The following CEP350 variants were observed in gnomAD, a reference collection of about 807,000 sequenced individuals.
CEP350 encodes the protein centrosomal protein 350.
CEP350 carries 126 observed loss-of-function variants against 331.8 expected under a neutral mutation model. The observed-to-expected ratio is 0.38, with a 90% CI of 0.33 to 0.44. The LOEUF is 0.44. CEP350 is among the 20% of genes least tolerant of loss of function. The pLI is 1.00. For synonymous variants in CEP350, 1,200 were observed against 1,259.5 expected (o/e 0.95, Z 1.00); for missense variants, 3,406 against 3,634.6 (o/e 0.94, Z 1.62).
intron 1 of CEP350, among the ~76,000 whole-genome samples, chr1:179,967,958 C>T (rs1651140319): frequency 6.6e-6 from 1 of 152,140 alleles, no homozygotes; most frequent in Admixed American, 6.5e-5. Flanking sequence ...GATTCTGAGA[C>T]TTATCAATGG....
chr1:180,020,106 A>G lies in CEP350; in HGVS notation c.2332A>G (p.Ile778Val). 1.2e-6 allele frequency: 2 copies of G among 1,614,002 alleles called. No homozygotes were observed. The highest frequency in any genetic ancestry group is 1.7e-6 in the Non-Finnish European group (2 of 1,179,896). The part of the protein sequence containing the change: ...VGILHKDFES[I>V]LPTRKNHNMA... Reference sequence around the variant, plus strand: ...AATTTTGCATAAGGATTTTGAATCTATTTTACCAACCAGGAAGAATCATAA... The same window carrying G: ...AATTTTGCATAAGGATTTTGAATCTGTTTTACCAACCAGGAAGAATCATAA... Residue 778 changes from isoleucine to valine, a missense_variant, in exon 12 of 38, where the codon ATT becomes GTT. Ile to Val is a conservative substitution (Grantham distance 29). Coordinates refer to ENST00000367607, the MANE Select transcript of CEP350 (RefSeq NM_014810.5).
rs754097103 is a variant in CEP350, at chr1:180,094,536, A to G, written c.8431A>G (p.Ser2811Gly). Residue 2811 changes from serine (S) to glycine (G), a missense_variant, in exon 34 of 38, where the codon AGT becomes GGT. By Grantham distance (56) the Ser-to-Gly change is moderately conservative. Transcript: ENST00000367607. ...LSQNVEEQSP[S>G]ISGCFLSSEL... ...CCAAAATGTTGAGGAACAGTCGCCA[A>G]GTATTTCAGGTTGCTTCTTAAGTTC... 3.7e-6 allele frequency: 6 copies of G among 1,613,966 alleles called. No individual in the cohort carries two copies. Among genetic ancestry groups the G allele is most frequent in the South Asian group, 3.3e-5 (3 of 91,080 alleles).
intron 37 of CEP350, among the ~76,000 whole-genome samples, chr1:180,104,164 C>T (rs1481155054): frequency 6.6e-6 from 1 of 150,422 alleles, no homozygotes; most frequent in African/African-American, 2.4e-5. Flanking sequence ...ATTATCTTTA[C>T]CATTTCTGCT....
At chr1:180,022,968 A>C in intron 13 of CEP350, 120 bp downstream of exon 13, 1 of 847,202 alleles carries the variant, frequency 1.2e-6, no homozygotes, top group Non-Finnish European at 1.8e-6. Context: ...GAGGCTGCAC[A>C]TCATAGTGGA....
Position 180,094,716 on chromosome 1 carries a change from G to A in CEP350, c.8511+100G>A, listed in dbSNP as rs575664126. On this transcript the variant is annotated intron_variant, in intron 34 of 37. Transcript: ENST00000367607. ...AGTACATTTTAATTCTGTGACTCCT[G>A]ATAGGTTTTTTTTCCCTTGACGTGT... 1.4e-5 allele frequency: 18 copies of A among 1,295,050 alleles called. No individual in the cohort carries two copies. The South Asian group carries it at 2.9e-4, about 21-fold the overall frequency. 80.2% of individuals were successfully genotyped at this position (1,295,050 alleles called of 1,614,324 possible).
chr1:180,043,296 G>T, intron 20 of CEP350, 104 bp downstream of exon 20: 1 of 1,337,980 alleles, frequency 7.5e-7, no homozygotes, highest in Non-Finnish European at 1.0e-6. Context: ...ATTATTCTTG[G>T]TTGAGAATAC....
At position 180,112,087 on chromosome 1, in the gene CEP350, A is replaced by G. The variant is rs749140917; in HGVS notation, c.*926A>G. 6.5e-6 allele frequency: 1 copy of G among 152,674 alleles called. No homozygotes were observed. The highest frequency in any genetic ancestry group is 2.4e-5 in the African/African-American group (1 of 41,460). The allele number at this position is 152,674 out of a possible 1,614,324, so 9.5% of individuals were successfully genotyped here. Reference sequence around the variant, plus strand: ...GATGCTGTTACTTGAATGATTTAGGAAATGAGTGTGTGCACCAAAGACAAA... The same window carrying G: ...GATGCTGTTACTTGAATGATTTAGGGAATGAGTGTGTGCACCAAAGACAAA... On this transcript the variant is annotated 3_prime_UTR_variant, in exon 38 of 38. Coordinates refer to ENST00000367607, the MANE Select transcript of CEP350 (RefSeq NM_014810.5).
intron 32 of CEP350, among the ~76,000 whole-genome samples, 157 bp from the exon 33 acceptor site, chr1:180,090,557 A>AAAAAGAAAAAAG (rs1553265977): frequency 3.2e-5 from 3 of 92,310 alleles, no homozygotes; most frequent in Non-Finnish European, 6.7e-5. Flanking sequence ...AAAAAAAAAA[A>AAAAAGAAAAAAG]AAAAAAAAAA....
intron 19 of CEP350, 32 bp from the exon 20 acceptor site, chr1:180,043,024 C>A: frequency 6.3e-7 from 1 of 1,597,684 alleles, no homozygotes; most frequent in Admixed American, 1.7e-5. Flanking sequence ...CGTTTTAATA[C>A]ATTTGCCTTT....
chr1:180,003,741 G>A lies in CEP350; in HGVS notation c.1132+454G>A, dbSNP rs76501349. ...ACAGGAGGAACCCATGGAAGACTGG[G>A]AGAGGGTAATAGGAAGGTCATACTA... On this transcript the variant is annotated intron_variant, in intron 7 of 37. Transcript: ENST00000367607. 6.6e-3 allele frequency among the ~76,000 whole-genome samples: 1,005 copies of A among 152,282 alleles called. 7 individuals carry two copies. The highest frequency in any genetic ancestry group is 1.0e-2 in the Non-Finnish European group (677 of 68,020).
chr1:180,041,897 T>C (rs557085227), intron 19 of CEP350, 95 bp downstream of exon 19: 130 of 1,169,150 alleles, frequency 1.1e-4, no homozygotes, highest in Non-Finnish European at 1.4e-4. Context: ...TCTTAGTAAA[T>C]GCATACTTTG....
At chr1:180,104,843 T>A (rs1661054611) in intron 37 of CEP350, among the ~76,000 whole-genome samples, 2 of 152,198 alleles carry the variant, frequency 1.3e-5, no homozygotes, top group African/African-American at 2.4e-5. Context: ...CGCCACCTGA[T>A]ACAGCATTCT....
chr1:180,045,456 C>A (rs909109216), intron 21 of CEP350, among the ~76,000 whole-genome samples: 1 of 152,162 alleles, frequency 6.6e-6, no homozygotes, highest in Non-Finnish European at 1.5e-5. Context: ...TACTTTCCAG[C>A]ATTTTTACAG....
chr1:180,081,495 T>A (rs1659562698), intron 30 of CEP350, among the ~76,000 whole-genome samples: 1 of 152,238 alleles, frequency 6.6e-6, no homozygotes, highest in Non-Finnish European at 1.5e-5. Context: ...ATTTAAAGAT[T>A]TACACACACA....
chr1:180,021,970 G>A (rs1476975003), intron 12 of CEP350, among the ~76,000 whole-genome samples: 2 of 151,932 alleles, frequency 1.3e-5, no homozygotes, highest in Non-Finnish European at 2.9e-5. Context: ...GCTATATATG[G>A]AATCTGCCCA....
At chr1:180,070,874 G>A (rs1013343737) in intron 27 of CEP350, among the ~76,000 whole-genome samples, 5 of 152,184 alleles carry the variant, frequency 3.3e-5, no homozygotes, top group African/African-American at 1.2e-4. Flanking sequence ...TTAAGGCCAG[G>A]TGCCGTGGCT....
chr1:180,072,357 G>A (rs768795117), intron 27 of CEP350, among the ~76,000 whole-genome samples: 10 of 151,942 alleles, frequency 6.6e-5, no homozygotes, highest in Non-Finnish European at 1.2e-4. Context: ...TTTATTTCAC[G>A]TGTTCCAATA....
chr1:180,033,135 T>C (rs1206033926), intron 15 of CEP350, among the ~76,000 whole-genome samples: 1 of 152,266 alleles, frequency 6.6e-6, no homozygotes, highest in Non-Finnish European at 1.5e-5. Context: ...AATAATTTAT[T>C]CAGTAAATAA....
rs371043954 is a variant in CEP350 at position 180,078,428 on chromosome 1, A to G, written c.5768-35A>G. The G allele has an allele frequency of 7.4e-5, 110 of 1,477,086 alleles. 1 individual carries two copies. In the Middle Eastern group the frequency reaches 1.1e-3, roughly 15 times the overall value. The allele number at this position is 1,477,086 out of a possible 1,614,324, so 91.5% of individuals were successfully genotyped here. A position where few individuals can be genotyped will look rare whatever the true frequency, so the allele number is the denominator to read the frequency against. On this transcript the variant is annotated intron_variant, in intron 28 of 37. Coordinates refer to ENST00000367607, the MANE Select transcript of CEP350 (RefSeq NM_014810.5). ...TAATTTTCCCATTGACCAAGATTGT[A>G]TCTTTTTTTTCTTGTTTTCACCTTC...
Sources: allele counts gnomAD v4.1 joint callset (sites outside exome capture counted in the v4.1 genomes callset), GRCh38; gene constraint gnomAD v4.1.1; transcripts MANE v1.5; gene names NCBI Gene and HGNC (gene_info 2026-07-23, HGNC 2026-07-21).